The following CRIM1 variants were observed in gnomAD, a reference collection of about 807,000 sequenced individuals.
CRIM1 encodes cysteine-rich motor neuron 1 protein.
Under a neutral mutation model 116.4 loss-of-function variants are expected in CRIM1, and 32 were observed. The observed-to-expected ratio is 0.27, with a 90% CI of 0.21 to 0.37. The LOEUF is 0.37. Among genes scored for constraint, CRIM1 ranks in the 10% least tolerant of loss-of-function variants. CRIM1 has a pLI of 1.00. For synonymous variants in CRIM1, 590 were observed against 509.2 expected, an observed-to-expected ratio of 1.16 and a Z score of -2.13; for missense variants, 1,331 against 1,354.8, an observed-to-expected ratio of 0.98 and a Z score of 0.28.
intron 5 of CRIM1, among the ~76,000 whole-genome samples, chr2:36,466,371 C>T (rs775454255): frequency 6.6e-6 from 1 of 152,240 alleles, no homozygotes; most frequent in East Asian, 1.9e-4. Flanking sequence ...TCTCCCCACT[C>T]TGGTCATTAT....
intron 13 of CRIM1, among the ~76,000 whole-genome samples, chr2:36,530,329 T>C (rs999032103): frequency 1.3e-5 from 2 of 152,180 alleles, no homozygotes; most frequent in African/African-American, 4.8e-5. Context: ...CCGTACATTA[T>C]TTTCTCAGAT....
intron 14 of CRIM1, among the ~76,000 whole-genome samples, chr2:36,539,065 A>G (rs1356143556): frequency 6.6e-6 from 1 of 152,232 alleles, no homozygotes; most frequent in African/African-American, 2.4e-5. Context: ...GAAGCCAGGC[A>G]GCTAACAGGT....
chr2:36,368,620 A>C (rs1019606327), intron 1 of CRIM1, among the ~76,000 whole-genome samples: 31 of 152,214 alleles, frequency 2.0e-4, no homozygotes, highest in Non-Finnish European at 4.3e-4. Flanking sequence ...ATGAGGTACT[A>C]GTTAATTCCC....
intron 7 of CRIM1, among the ~76,000 whole-genome samples, chr2:36,480,754 C>G (rs563551831): frequency 1.3e-5 from 2 of 152,154 alleles, no homozygotes; most frequent in African/African-American, 4.8e-5. Flanking sequence ...ATCACCGATT[C>G]CCTTGTCATT....
chr2:36,509,543 A>AGGACATGCATTATTAT (rs1203845144), intron 8 of CRIM1, among the ~76,000 whole-genome samples: 2 of 152,208 alleles, frequency 1.3e-5, no homozygotes, highest in African/African-American at 4.8e-5. Context: ...AAAAGAAAAA[A>AGGACATGCATTATTAT]GGACATGCAT....
intron 1 of CRIM1, among the ~76,000 whole-genome samples, chr2:36,375,134 A>G (rs1670229881): frequency 6.6e-6 from 1 of 152,140 alleles, no homozygotes; most frequent in South Asian, 2.1e-4. Context: ...CATATGCCGT[A>G]TGCTTTGCAT....
chr2:36,548,471 G>A (rs1177516666), intron 16 of CRIM1, 54 bp from the exon 17 acceptor site: 3 of 1,373,880 alleles, frequency 2.2e-6, no homozygotes, highest in Admixed American at 4.9e-5. Flanking sequence ...GTTCATTTGA[G>A]ATAATGTAAA....
At chr2:36,421,613 A>G (rs112401844) in intron 2 of CRIM1, among the ~76,000 whole-genome samples, 1,776 of 152,338 alleles carry the variant, frequency 0.012, 43 homozygotes, top group African/African-American at 0.041. Flanking sequence ...CAGTAGAATG[A>G]AGTGTAGTCA....
chr2:36,539,143 G>C (rs1470402702), intron 14 of CRIM1, among the ~76,000 whole-genome samples: 1 of 152,178 alleles, frequency 6.6e-6, no homozygotes, highest in East Asian at 1.9e-4. Context: ...AGACAGAGAG[G>C]CTGGGGAGAA....
chr2:36,489,309 A>G (rs1176027788), intron 7 of CRIM1, among the ~76,000 whole-genome samples: 1 of 152,154 alleles, frequency 6.6e-6, no homozygotes, highest in Non-Finnish European at 1.5e-5. Context: ...AAAACAATTC[A>G]AGGAGTCTCT....
intron 13 of CRIM1, among the ~76,000 whole-genome samples, chr2:36,528,923 G>T (rs578063850): frequency 1.3e-5 from 2 of 152,300 alleles, no homozygotes; most frequent in Non-Finnish European, 1.5e-5. Context: ...TCCATAAGCA[G>T]CTTTCTCTTC....
Position 36,441,358 on chromosome 2 carries a change from G to A in CRIM1, c.606G>A (p.Glu202=), listed in dbSNP as rs1389257395. Residue 202 remains glutamate, a synonymous_variant, in exon 3 of 17, where the codon GAG becomes GAA. Coordinates refer to ENST00000280527, the MANE Select transcript of CRIM1 (RefSeq NM_016441.3). The stretch of plus-strand genomic sequence containing the variant: ...TCGAGGGTTATGCTCCTCCTGGGGA[G>A]TGCTGTCCCTTACCCAGCCGCTGCG... ...VLIEGYAPPG[E]CCPLPSRCVC... 4 of 1,614,180 alleles carry A rather than the reference G, an allele frequency of 2.5e-6. No individual in the cohort carries two copies. The highest frequency in any genetic ancestry group is 1.1e-5 in the South Asian group (1 of 91,082).
intron 4 of CRIM1, among the ~76,000 whole-genome samples, chr2:36,449,484 C>G (rs6744268): frequency 0.071 from 10,781 of 152,220 alleles, 1,256 homozygotes; most frequent in African/African-American, 0.24. Flanking sequence ...GAATACTCCT[C>G]TGCACATCAC....
Position 36,517,508 on chromosome 2 carries a change from A to T in CRIM1, c.2172A>T (p.Ser724=). The T allele has an allele frequency of 6.2e-7, 1 of 1,614,072 alleles. No individual in the cohort carries two copies. Among genetic ancestry groups the T allele is most frequent in the Non-Finnish European group, 8.5e-7 (1 of 1,179,972 alleles). The part of the protein sequence containing the change: ...VCPPLLCQNP[S]RTQDSCCPQC... ...CACCGCTGCTCTGCCAGAACCCCTC[A>T]CGCACCCAGGATTCCTGCTGCCCAC... Residue 724 remains serine (S), a synonymous_variant, in exon 12 of 17, where the codon TCA becomes TCT. Transcript: ENST00000280527.
chr2:36,451,009 C>T (rs187910866), intron 4 of CRIM1, among the ~76,000 whole-genome samples: 5 of 152,178 alleles, frequency 3.3e-5, no homozygotes, highest in Admixed American at 2.0e-4. Context: ...CAGGTTATCC[C>T]TTCCCTTCAG....
rs200087946 is a variant in CRIM1, at chr2:36,441,443, G to A, written c.691G>A (p.Val231Met). ...VCQPGNLNIL[V>M]SKASGKPGEC... ...CCAGCCGGGAAACCTGAACATACTAGTGTCAAAAGCCTCAGGGAAGCCGGG... is the reference window on the plus strand; with the variant it reads ...CCAGCCGGGAAACCTGAACATACTAATGTCAAAAGCCTCAGGGAAGCCGGG... Residue 231 changes from valine (V) to methionine (M), a missense_variant, in exon 3 of 17, where the codon GTG becomes ATG. Val to Met is a conservative substitution (Grantham distance 21). Coordinates refer to ENST00000280527, the MANE Select transcript of CRIM1 (RefSeq NM_016441.3). 30 of 1,613,818 alleles carry A rather than the reference G, an allele frequency of 1.9e-5. No individual in the cohort carries two copies. Among genetic ancestry groups the A allele is most frequent in the Non-Finnish European group, 2.5e-5 (30 of 1,180,046 alleles).
Position 36,356,685 on chromosome 2 carries a change from G to C in CRIM1, c.331+62G>C. 1.3e-6 allele frequency: 2 copies of C among 1,502,122 alleles called. No homozygotes were observed. The highest frequency in any genetic ancestry group is 1.8e-6 in the Non-Finnish European group (2 of 1,117,222). 93.0% of individuals were successfully genotyped at this position (1,502,122 alleles called of 1,614,324 possible). A position where few individuals can be genotyped will look rare whatever the true frequency, so the allele number is the denominator to read the frequency against. On this transcript the variant is annotated intron_variant, in intron 1 of 16. Coordinates refer to ENST00000280527, the MANE Select transcript of CRIM1 (RefSeq NM_016441.3). The surrounding 1 kb of genome is among the most constrained non-coding windows in gnomAD (Gnocchi z 4.3). ...CTGCGCCGCCCCCTCGGCGCTGGTT[G>C]TGCCGAACAAAGTTTGGGCGAGACT...
At position 36,464,567 on chromosome 2, in the gene CRIM1, C is replaced by A. The variant is rs753255726; in HGVS notation, c.903C>A (p.Pro301=). ...CECLSGLCGF[P]VCEVGSTPRI... ...GTCTCTCTGGCTTATGTGGTTTCCC[C>A]GTGTGTGAGGTGGGATCCACTCCCC... The change falls in exon 5 of 17, where the codon CCC becomes CCA. Residue 301 remains proline (P), a synonymous_variant. Transcript: ENST00000280527. 4 of 1,614,030 alleles carry A rather than the reference C, an allele frequency of 2.5e-6. No individual in the cohort carries two copies. Among genetic ancestry groups the A allele is most frequent in the Non-Finnish European group, 3.4e-6 (4 of 1,180,004 alleles).
intron 2 of CRIM1, among the ~76,000 whole-genome samples, chr2:36,397,707 C>T (rs1022236267): frequency 6.6e-6 from 1 of 152,146 alleles, no homozygotes; most frequent in African/African-American, 2.4e-5. Context: ...TGGAAATGTA[C>T]TTAGTTTCCA....
Sources: allele counts gnomAD v4.1 joint callset (sites outside exome capture counted in the v4.1 genomes callset), GRCh38; gene constraint gnomAD v4.1.1; non-coding constraint Gnocchi (gnomAD v3.1); transcripts MANE v1.5; gene names NCBI Gene and HGNC (gene_info 2026-07-23, HGNC 2026-07-21).